The following PRKD3 variants were observed in gnomAD, a reference collection of about 807,000 sequenced individuals.
The protein encoded by PRKD3 is serine/threonine-protein kinase D3.
In PRKD3, 47 loss-of-function variants were observed where a neutral mutation model predicts 99.2. The observed-to-expected ratio is 0.47, with a 90% CI of 0.38 to 0.60. The LOEUF (loss-of-function observed/expected upper bound fraction) is 0.60. PRKD3 is among the 20% of genes least tolerant of loss of function. The probability of loss-of-function intolerance (pLI) is 0.00; values close to 1 mark genes in which losing one functional copy is unlikely to be tolerated. For missense variants in PRKD3, 1,019 were observed against 1,088.4 expected (o/e 0.94, Z 0.90); for synonymous variants, 392 against 355.4 (o/e 1.10, Z -1.16).
intron 15 of PRKD3, 69 bp downstream of exon 15, chr2:37,260,154 A>ACTC: frequency 7.2e-7 from 1 of 1,386,710 alleles, no homozygotes; most frequent in Non-Finnish European, 9.9e-7. Context: ...ACAGAGTAAG[A>ACTC]CTCTTGTCTT....
intron 2 of PRKD3, among the ~76,000 whole-genome samples, chr2:37,305,711 A>G (rs901462340): frequency 2.0e-5 from 3 of 152,254 alleles, no homozygotes; most frequent in Non-Finnish European, 2.9e-5. Flanking sequence ...TCAAAAGGCA[A>G]GAGCAAACCA....
At chr2:37,265,145 G>T (rs1212084048) in intron 14 of PRKD3, among the ~76,000 whole-genome samples, 1 of 151,890 alleles carries the variant, frequency 6.6e-6, no homozygotes, top group Non-Finnish European at 1.5e-5. Context: ...TTTCAGGTTT[G>T]GGTGATGAGG....
chr2:37,279,350 G>A (rs114497625), intron 8 of PRKD3: 1 of 154,252 alleles, frequency 6.5e-6, no homozygotes. Context: ...ACATCTTCAT[G>A]AGTATATTCT....
intron 14 of PRKD3, among the ~76,000 whole-genome samples, chr2:37,260,970 G>A (rs1668392575): frequency 6.6e-6 from 1 of 152,072 alleles, no homozygotes; most frequent in Non-Finnish European, 1.5e-5. Context: ...TTATAAAAAA[G>A]CAATTTATCT....
intron 2 of PRKD3, among the ~76,000 whole-genome samples, chr2:37,303,398 G>A (rs144685433): frequency 1.4e-4 from 21 of 152,222 alleles, no homozygotes; most frequent in African/African-American, 5.1e-4. Flanking sequence ...CACCCCACAC[G>A]ATGAGGCAAG....
intron 2 of PRKD3, among the ~76,000 whole-genome samples, chr2:37,314,207 A>C (rs919172690): frequency 2.6e-5 from 4 of 152,150 alleles, no homozygotes; most frequent in African/African-American, 9.6e-5. Context: ...AGAAAACTGC[A>C]CTCAACAAGA....
chr2:37,294,316 G>C (rs1378572715), intron 2 of PRKD3, among the ~76,000 whole-genome samples: 1 of 152,022 alleles, frequency 6.6e-6, no homozygotes, highest in Non-Finnish European at 1.5e-5. Context: ...GGCTGGTGTT[G>C]AACTTCTAGA....
Position 37,256,654 on chromosome 2 carries a change from T to TAAC in PRKD3, c.2413+7_2413+8insGTT. ...TTTTTTTTTTTTTTTTTTTTTTTTT[T>TAAC]TTTTTACCTTCACCAGAAATTTCTC... is the stretch of plus-strand genomic sequence containing the variant. On this transcript the variant is annotated splice_region_variant and intron_variant, in intron 17 of 18. Coordinates refer to ENST00000234179, the MANE Select transcript of PRKD3 (RefSeq NM_005813.6). The TAAC allele has an allele frequency of 7.3e-7, 1 of 1,377,262 alleles. No homozygotes were observed. Among genetic ancestry groups the TAAC allele is most frequent in the Non-Finnish European group, 9.4e-7 (1 of 1,061,434 alleles). The allele number at this position is 1,377,262 out of a possible 1,614,324, so 85.3% of individuals were successfully genotyped here. A position where few individuals can be genotyped will look rare whatever the true frequency, so the allele number is the denominator to read the frequency against.
intron 16 of PRKD3, among the ~76,000 whole-genome samples, chr2:37,257,472 T>C (rs1026731064): frequency 2.0e-5 from 3 of 152,062 alleles, no homozygotes; most frequent in Non-Finnish European, 4.4e-5. Flanking sequence ...GAGACCATCC[T>C]GGCTAATGCG....
chr2:37,294,511 T>C (rs1670590270), intron 2 of PRKD3, among the ~76,000 whole-genome samples: 1 of 152,190 alleles, frequency 6.6e-6, no homozygotes, highest in Non-Finnish European at 1.5e-5. Flanking sequence ...TACAGAAATA[T>C]TTAGAATTTT....
At position 37,274,699 on chromosome 2, in the gene PRKD3, T is replaced by G. The variant is rs1669472945; in HGVS notation, c.1375-2A>C. The G allele has an allele frequency of 1.9e-6, 3 of 1,610,774 alleles. No individual in the cohort carries two copies. The East Asian group carries it at 6.7e-5, about 36-fold the overall frequency. On this transcript the variant is annotated splice_acceptor_variant, in intron 10 of 18. Coordinates refer to ENST00000234179, the MANE Select transcript of PRKD3 (RefSeq NM_005813.6). LOFTEE classifies it high-confidence loss of function. ...GAGAATTTCTGAAAGTGGAATTTCC[T>G]GAAGTAAAAAATTAAGCATTGAAAA... is the stretch of plus-strand genomic sequence containing the variant.
chr2:37,295,855 T>C (rs1471405510), intron 2 of PRKD3, among the ~76,000 whole-genome samples: 1 of 152,156 alleles, frequency 6.6e-6, no homozygotes, highest in African/African-American at 2.4e-5. Context: ...CTGACAGCAT[T>C]GTGTAGAGGA....
intron 2 of PRKD3, among the ~76,000 whole-genome samples, chr2:37,304,770 A>C (rs1341588837): frequency 6.6e-6 from 1 of 151,800 alleles, no homozygotes; most frequent in Non-Finnish European, 1.5e-5. Context: ...AAGAAAAAAA[A>C]AAAAGAAATA....
chr2:37,304,352 A>G (rs1040233018), intron 2 of PRKD3, among the ~76,000 whole-genome samples: 1 of 152,216 alleles, frequency 6.6e-6, no homozygotes, highest in Admixed American at 6.5e-5. Context: ...TACAGACATA[A>G]GGACGATAGC....
Position 37,254,287 on chromosome 2 carries a change from T to C in PRKD3, c.2416A>G (p.Ile806Val). The change falls in exon 18 of 19, where the codon ATT becomes GTT. Residue 806 changes from isoleucine (I) to valine (V), a missense_variant and splice_region_variant. Physicochemically the swap from Ile to Val is conservative, Grantham distance 29. Around this residue, in one of 3 missense-constraint regions of PRKD3, gnomAD observed 125 missense variants for 120.6 expected, o/e 1.04. Transcript: ENST00000234179. Reference sequence around the variant, plus strand: ...TGAAGCAGATTGTTTATCAGATCAATTGCTAAGGGAAAAGACAAAACAAGA... The same window carrying C: ...TGAAGCAGATTGTTTATCAGATCAACTGCTAAGGGAAAAGACAAAACAAGA... ...NPWREISGEA[I>V]DLINNLLQVK... 6.2e-7 allele frequency: 1 copy of C among 1,611,904 alleles called. No homozygotes were observed.
At chr2:37,285,769 T>A (rs1199351809) in intron 6 of PRKD3, among the ~76,000 whole-genome samples, 1 of 152,132 alleles carries the variant, frequency 6.6e-6, no homozygotes, top group Non-Finnish European at 1.5e-5. Flanking sequence ...ACTAGCTACA[T>A]GATCTTAAGC....
intron 1 of PRKD3, among the ~76,000 whole-genome samples, chr2:37,317,607 G>A (rs1671720367): frequency 6.6e-6 from 1 of 152,052 alleles, no homozygotes; most frequent in Non-Finnish European, 1.5e-5. Flanking sequence ...TAATACAAGA[G>A]TATTCTTTTT....
Position 37,313,969 on chromosome 2 carries a change from A to G in PRKD3, c.288+2268T>C, listed in dbSNP as rs147026097. 3.6e-3 allele frequency among the ~76,000 whole-genome samples: 550 copies of G among 152,340 alleles called. 4 individuals are homozygous for G. The highest frequency in any genetic ancestry group is 0.013 in the African/African-American group (524 of 41,578). On this transcript the variant is annotated intron_variant, in intron 2 of 18. Coordinates refer to ENST00000234179, the MANE Select transcript of PRKD3 (RefSeq NM_005813.6). ...AAAAATTATATTGAAAAAGGGATCA[A>G]TATATCAAAGGCTGTAAAAGTCCCA...
intron 8 of PRKD3, chr2:37,278,792 C>T: frequency 6.6e-6 from 1 of 151,798 alleles, no homozygotes; most frequent in Non-Finnish European, 1.5e-5. Flanking sequence ...CAAAAATTAG[C>T]CGGGCGTGGT....
Sources: gnomAD v4.1 joint callset for allele counts (sites outside exome capture counted in the v4.1 genomes callset) on GRCh38, gnomAD v4.1.1 for gene constraint, gnomAD v4.1.1 regional missense constraint, MANE v1.5 for transcripts, NCBI Gene and HGNC (gene_info 2026-07-23, HGNC 2026-07-21) for gene names.